Variants in POU6F2 observed in about 807,000 individuals in gnomAD.
The protein encoded by POU6F2 is POU class 6 homeobox 2.
In POU6F2, 31 loss-of-function variants were observed where a neutral mutation model predicts 71.3. That is an observed-to-expected ratio of 0.43 (90% CI 0.33 to 0.59). POU6F2 has a LOEUF of 0.59. POU6F2 is among the 20% of genes least tolerant of loss of function. POU6F2 has a pLI of 0.04. For missense variants in POU6F2, 783 were observed against 856.8 expected, an observed-to-expected ratio of 0.91 and a Z score of 1.07; for synonymous variants, 347 against 355.7, an observed-to-expected ratio of 0.98 and a Z score of 0.27.
intron 1 of POU6F2, among the ~76,000 whole-genome samples, chr7:39,015,349 T>A (rs1410421660): frequency 1.5e-5 from 2 of 133,202 alleles, no homozygotes; most frequent in African/African-American, 5.8e-5. Flanking sequence ...TATATAATAA[T>A]AGATATATAT....
chr7:39,380,949 G>A (rs1786815325), intron 5 of POU6F2, among the ~76,000 whole-genome samples: 1 of 152,186 alleles, frequency 6.6e-6, no homozygotes, highest in Admixed American at 6.5e-5. Context: ...TGGACTCAAA[G>A]TCCTTAGATT....
intron 4 of POU6F2, among the ~76,000 whole-genome samples, chr7:39,318,882 C>A (rs1483048510): frequency 6.6e-6 from 1 of 152,188 alleles, no homozygotes; most frequent in Non-Finnish European, 1.5e-5. Flanking sequence ...ATGGCTCACA[C>A]CTGTAATCCC....
intron 2 of POU6F2, among the ~76,000 whole-genome samples, chr7:39,102,334 T>G (rs1791591800): frequency 6.6e-6 from 1 of 152,204 alleles, no homozygotes; most frequent in Admixed American, 6.5e-5. Flanking sequence ...TTCTGCTGCT[T>G]TCCAACTACT....
intron 6 of POU6F2, among the ~76,000 whole-genome samples, chr7:39,412,018 T>C (rs563567578): frequency 1.4e-4 from 22 of 152,338 alleles, no homozygotes; most frequent in Admixed American, 7.8e-4. Context: ...ATAAGACAAA[T>C]AACATCTCCA....
At chr7:39,421,986 C>T (rs1364915659) in intron 6 of POU6F2, among the ~76,000 whole-genome samples, 1 of 152,186 alleles carries the variant, frequency 6.6e-6, no homozygotes, top group Non-Finnish European at 1.5e-5. Flanking sequence ...TATAAAGGCT[C>T]ACGAAGTTGG....
At chr7:39,438,108 A>C (rs563072707) in intron 7 of POU6F2, among the ~76,000 whole-genome samples, 1 of 151,510 alleles carries the variant, frequency 6.6e-6, no homozygotes, top group Non-Finnish European at 1.5e-5. Flanking sequence ...CCCCTACCCC[A>C]CAACAGGCCC....
chr7:39,341,388 G>C (rs1405517808), intron 5 of POU6F2, among the ~76,000 whole-genome samples: 1 of 152,122 alleles, frequency 6.6e-6, no homozygotes. Context: ...ACGATGGTGA[G>C]ACAACGTAAC....
chr7:39,389,871 A>G (rs1034782616), intron 5 of POU6F2, among the ~76,000 whole-genome samples: 1 of 152,200 alleles, frequency 6.6e-6, no homozygotes, highest in Admixed American at 6.5e-5. Flanking sequence ...TAAAATAGAC[A>G]CATATGGCCA....
At chr7:39,369,848 A>ATTTTT (rs534189300) in intron 5 of POU6F2, among the ~76,000 whole-genome samples, 1 of 135,476 alleles carries the variant, frequency 7.4e-6, no homozygotes, top group African/African-American at 2.7e-5. Flanking sequence ...CACTCGCAGC[A>ATTTTT]TTTTTTTTTT....
At chr7:39,375,093 C>T (rs1786685276) in intron 5 of POU6F2, among the ~76,000 whole-genome samples, 1 of 152,026 alleles carries the variant, frequency 6.6e-6, no homozygotes, top group Non-Finnish European at 1.5e-5. Flanking sequence ...ATTTCTCTAA[C>T]ATTTGGGGAG....
intron 2 of POU6F2, among the ~76,000 whole-genome samples, chr7:39,194,442 C>G (rs967613856): frequency 7.9e-5 from 12 of 152,194 alleles, no homozygotes; most frequent in Admixed American, 7.9e-4. Context: ...TTCTGTCTAG[C>G]TAAAGGATTG....
chr7:39,123,681 T>C (rs566052492), intron 2 of POU6F2, among the ~76,000 whole-genome samples: 1 of 152,324 alleles, frequency 6.6e-6, no homozygotes, highest in African/African-American at 2.4e-5. Context: ...TCAGGATGTC[T>C]TGGGTATTTT....
intron 5 of POU6F2, among the ~76,000 whole-genome samples, chr7:39,401,181 A>G (rs1787294740): frequency 6.6e-6 from 1 of 152,198 alleles, no homozygotes; most frequent in Non-Finnish European, 1.5e-5. Flanking sequence ...AAGGTATTTT[A>G]GGATGTTGCA....
At chr7:39,042,017 C>G (rs1032470413) in intron 1 of POU6F2, among the ~76,000 whole-genome samples, 6 of 151,916 alleles carry the variant, frequency 3.9e-5, no homozygotes, top group African/African-American at 1.4e-4. Context: ...TTTCCTATGA[C>G]ACAGCCTCTT....
chr7:39,399,920 C>T (rs1365829159), intron 5 of POU6F2, among the ~76,000 whole-genome samples: 1 of 151,908 alleles, frequency 6.6e-6, no homozygotes, highest in Non-Finnish European at 1.5e-5. Flanking sequence ...GTCCAGAGTG[C>T]AGGAGCTTCT....
intron 4 of POU6F2, among the ~76,000 whole-genome samples, chr7:39,324,602 A>G (rs1310896279): frequency 6.6e-6 from 1 of 152,198 alleles, no homozygotes; most frequent in Non-Finnish European, 1.5e-5. Flanking sequence ...TGACTGATCC[A>G]TTTCTATTTG....
At chr7:39,225,180 T>G (rs187290904) in intron 4 of POU6F2, among the ~76,000 whole-genome samples, 14 of 152,120 alleles carry the variant, frequency 9.2e-5, no homozygotes, top group African/African-American at 3.1e-4. Flanking sequence ...TAATAAACTT[T>G]CTTTTTTTTT....
intron 4 of POU6F2, among the ~76,000 whole-genome samples, chr7:39,246,746 C>G (rs1364786500): frequency 3.3e-5 from 5 of 151,802 alleles, no homozygotes; most frequent in Non-Finnish European, 7.4e-5. Flanking sequence ...AACTGGGGCC[C>G]TAAGAATCTC....
intron 1 of POU6F2, among the ~76,000 whole-genome samples, chr7:39,036,131 T>C (rs1790058812): frequency 6.6e-6 from 1 of 152,130 alleles, no homozygotes; most frequent in South Asian, 2.1e-4. Flanking sequence ...GCTGTCTCTC[T>C]GTCTGTGATG....
Sources: allele counts gnomAD v4.1 joint callset (sites outside exome capture counted in the v4.1 genomes callset), GRCh38; gene constraint gnomAD v4.1.1; transcripts MANE v1.5; gene names NCBI Gene and HGNC (gene_info 2026-07-23, HGNC 2026-07-21).